The following TBC1D22A variants were observed in gnomAD, a reference collection of about 807,000 sequenced individuals.
TBC1D22A encodes the protein TBC1 domain family member 22A, also known as putative GTPase activator.
In TBC1D22A, 38 loss-of-function variants were observed where a neutral mutation model predicts 60.2. That is an observed-to-expected ratio of 0.63 (90% confidence interval 0.49 to 0.83). The LOEUF is 0.83. TBC1D22A is among the 40% of genes least tolerant of loss of function. The pLI is 0.00. For synonymous variants in TBC1D22A, 302 were observed against 281.7 expected (o/e 1.07, Z -0.72); for missense variants, 628 against 701.0 (o/e 0.90, Z 1.18).
intron 7 of TBC1D22A, among the ~76,000 whole-genome samples, chr22:46,898,887 GT>G (rs749517723): frequency 4.1e-4 from 62 of 152,168 alleles, no homozygotes; most frequent in Non-Finnish European, 6.8e-4. Context: ...GGCTCAATGA[GT>G]TTGGGATTTT....
chr22:46,940,399 T>C (rs570584144), intron 8 of TBC1D22A, among the ~76,000 whole-genome samples: 79 of 151,864 alleles, frequency 5.2e-4, no homozygotes, highest in Non-Finnish European at 5.4e-4. Context: ...CCAGCACACA[T>C]ATATATGTAT....
chr22:46,906,322 C>T (rs1385294893), intron 7 of TBC1D22A, among the ~76,000 whole-genome samples: 1 of 152,172 alleles, frequency 6.6e-6, no homozygotes, highest in Non-Finnish European at 1.5e-5. Flanking sequence ...GGAGAGCCTG[C>T]CCAGAATAAA....
chr22:46,825,536 C>T (rs978960553), intron 4 of TBC1D22A, among the ~76,000 whole-genome samples: 4 of 152,176 alleles, frequency 2.6e-5, no homozygotes, highest in East Asian at 1.9e-4. Context: ...TGCAGTGGCA[C>T]GATCTCAGCT....
chr22:47,069,662 ACGG>A (rs1569415835), intron 11 of TBC1D22A, among the ~76,000 whole-genome samples: 1 of 140,230 alleles, frequency 7.1e-6, no homozygotes, highest in South Asian at 2.3e-4. Context: ...AGCTGACTTG[ACGG>A]TTCCCGGCTG....
chr22:46,837,080 A>G (rs1268812332), intron 4 of TBC1D22A, among the ~76,000 whole-genome samples: 1 of 152,002 alleles, frequency 6.6e-6, no homozygotes, highest in East Asian at 1.9e-4. Flanking sequence ...AACTATGATC[A>G]CACCCCTGGG....
chr22:46,795,944 G>A (rs1186356370), intron 3 of TBC1D22A, among the ~76,000 whole-genome samples: 1 of 152,190 alleles, frequency 6.6e-6, no homozygotes, highest in Admixed American at 6.5e-5. Context: ...TCTGAAGGAG[G>A]GAGAGGGGGC....
chr22:47,058,148 C>A (rs903653560), intron 11 of TBC1D22A, among the ~76,000 whole-genome samples: 1 of 152,218 alleles, frequency 6.6e-6, no homozygotes, highest in Non-Finnish European at 1.5e-5. Flanking sequence ...GCTAGCTTCA[C>A]GCCACACCCT....
intron 12 of TBC1D22A, among the ~76,000 whole-genome samples, chr22:47,143,776 C>T (rs2067190915): frequency 6.6e-6 from 1 of 152,240 alleles, no homozygotes; most frequent in South Asian, 2.1e-4. Context: ...TCAGAGGCAG[C>T]TGTTTGAGCA....
chr22:46,790,996 C>G (rs2084381042), intron 1 of TBC1D22A, among the ~76,000 whole-genome samples: 1 of 152,178 alleles, frequency 6.6e-6, no homozygotes, highest in Non-Finnish European at 1.5e-5. Flanking sequence ...ATTCTTGGCT[C>G]ACTGCAACCT....
chr22:46,854,916 A>G (rs551678296), intron 4 of TBC1D22A, among the ~76,000 whole-genome samples: 2 of 152,358 alleles, frequency 1.3e-5, no homozygotes, highest in African/African-American at 2.4e-5. Context: ...ATACTTGTGA[A>G]CAGTAACTAT....
At chr22:46,923,452 C>T (rs949349729) in intron 8 of TBC1D22A, among the ~76,000 whole-genome samples, 3 of 152,272 alleles carry the variant, frequency 2.0e-5, no homozygotes, top group African/African-American at 4.8e-5. Context: ...CCATCTCTTG[C>T]CCCGCCCAGG....
chr22:46,885,332 T>G (rs1048228456), intron 5 of TBC1D22A, among the ~76,000 whole-genome samples: 1 of 152,140 alleles, frequency 6.6e-6, no homozygotes, highest in African/African-American at 2.4e-5. Flanking sequence ...GAGTTTGCCT[T>G]CGTGTCCATG....
intron 4 of TBC1D22A, among the ~76,000 whole-genome samples, chr22:46,851,016 G>C (rs2087248295): frequency 6.6e-6 from 1 of 152,174 alleles, no homozygotes; most frequent in Non-Finnish European, 1.5e-5. Flanking sequence ...TGGGGCTGAG[G>C]AGTGACAGTG....
At chr22:47,031,627 G>C (rs919417298) in intron 10 of TBC1D22A, among the ~76,000 whole-genome samples, 1 of 151,870 alleles carries the variant, frequency 6.6e-6, no homozygotes, top group African/African-American at 2.4e-5. Context: ...GGTGGTGTGG[G>C]GTCGTTTCAA....
intron 1 of TBC1D22A, among the ~76,000 whole-genome samples, chr22:46,768,865 G>A (rs546949117): frequency 1.3e-5 from 2 of 151,996 alleles, no homozygotes; most frequent in African/African-American, 2.4e-5. Context: ...GGGCCCAGGC[G>A]GGTGGATCAC....
chr22:46,963,485 C>T (rs1042084060), intron 8 of TBC1D22A, among the ~76,000 whole-genome samples: 11 of 150,088 alleles, frequency 7.3e-5, no homozygotes, highest in Admixed American at 6.7e-4. Context: ...ATGGAGCAGG[C>T]CCTTGTTCCT....
intron 1 of TBC1D22A, among the ~76,000 whole-genome samples, chr22:46,773,455 G>A (rs1247167014): frequency 6.6e-6 from 1 of 152,088 alleles, no homozygotes; most frequent in Non-Finnish European, 1.5e-5. Context: ...GCTTCCCTTG[G>A]GCTAGGCACT....
At chr22:47,172,081 ACCCAGCACTCCCAGTGAGCT>A in intron 12 of TBC1D22A, among the ~76,000 whole-genome samples, 1 of 104,554 alleles carries the variant, frequency 9.6e-6, no homozygotes, top group Middle Eastern at 4.8e-3. Flanking sequence ...CAGTGAGCCT[ACCCAGCACTCCCAGTGAGCT>A]GTGTGCTCAC....
At chr22:46,918,806 C>G (rs2070551386) in intron 8 of TBC1D22A, among the ~76,000 whole-genome samples, 1 of 152,162 alleles carries the variant, frequency 6.6e-6, no homozygotes, top group South Asian at 2.1e-4. Context: ...GGACCACAGC[C>G]TCTTGCAACT....
Sources: allele counts gnomAD v4.1 joint callset (sites outside exome capture counted in the v4.1 genomes callset), GRCh38; gene constraint gnomAD v4.1.1; transcripts MANE v1.5; gene names NCBI Gene and HGNC (gene_info 2026-07-23, HGNC 2026-07-21).